Variants in DLGAP2 observed in about 807,000 individuals in gnomAD.
The protein encoded by DLGAP2 is DLG associated protein 2, also known as disks large-associated protein 2.
DLGAP2 carries 26 observed loss-of-function variants against 100.3 expected under a neutral mutation model. The ratio of observed to expected loss-of-function variants is 0.26; its 90% CI spans 0.19 to 0.36. DLGAP2 has a LOEUF of 0.36. Ranked by LOEUF, DLGAP2 falls within the 10% of genes least tolerant of loss-of-function variation. The pLI, the probability that DLGAP2 is intolerant of heterozygous loss-of-function variation, is 1.00. For missense variants in DLGAP2, 1,858 were observed against 1,453.2 expected, an observed-to-expected ratio of 1.28 and a Z score of -4.53; for synonymous variants, 886 against 630.1, an observed-to-expected ratio of 1.41 and a Z score of -6.08.
intron 3 of DLGAP2, among the ~76,000 whole-genome samples, chr8:1,314,584 A>T (rs574147251): frequency 6.6e-6 from 1 of 152,116 alleles, no homozygotes; most frequent in African/African-American, 2.4e-5. Context: ...CTCCTGTGTC[A>T]CCGCCTCTCA....
chr8:1,058,911 C>T (rs1331637497), intron 2 of DLGAP2, among the ~76,000 whole-genome samples: 1 of 152,312 alleles, frequency 6.6e-6, no homozygotes, highest in Admixed American at 6.5e-5. Flanking sequence ...CCTCAAAAGA[C>T]CTCATCAAAA....
chr8:1,002,358 A>C (rs1800984803), intron 2 of DLGAP2: 1 of 152,224 alleles, frequency 6.6e-6, no homozygotes, highest in South Asian at 2.1e-4. Context: ...AACTTGTTTA[A>C]CTAGATGCAT....
chr8:802,401 C>T (rs67626819), intron 1 of DLGAP2, among the ~76,000 whole-genome samples: 17,522 of 150,116 alleles, frequency 0.12, 1,590 homozygotes, highest in East Asian at 0.51. Flanking sequence ...TGGTTGAAGT[C>T]AGTGCTCTGG....
chr8:1,332,666 G>C (rs970311196), intron 3 of DLGAP2, among the ~76,000 whole-genome samples: 6 of 152,150 alleles, frequency 3.9e-5, no homozygotes, highest in Non-Finnish European at 5.9e-5. Flanking sequence ...GGCCTCCACA[G>C]GCTCAACCTG....
At chr8:1,049,231 G>T (rs927919505) in intron 2 of DLGAP2, among the ~76,000 whole-genome samples, 3 of 152,148 alleles carry the variant, frequency 2.0e-5, no homozygotes, top group Admixed American at 2.0e-4. Context: ...TAATGAAATG[G>T]CAAGTTTTAT....
chr8:897,575 C>CGG (rs1391389252), intron 1 of DLGAP2, among the ~76,000 whole-genome samples: 4 of 152,202 alleles, frequency 2.6e-5, no homozygotes, highest in Non-Finnish European at 4.4e-5. Flanking sequence ...CGAGGAGTCA[C>CGG]GGGGGTGTGT....
intron 2 of DLGAP2, among the ~76,000 whole-genome samples, chr8:1,253,087 C>T (rs570270563): frequency 1.3e-5 from 2 of 152,208 alleles, no homozygotes; most frequent in South Asian, 2.1e-4. Context: ...ACGCCCGGGC[C>T]TGTCCCCGCG....
Position 1,691,712 on chromosome 8 carries a change from C to G in DLGAP2, c.2796+86C>G, listed in dbSNP as rs1020336456. The G allele has an allele frequency of 6.7e-5, 79 of 1,170,984 alleles. 1 individual carries two copies. In the African/African-American group the frequency reaches 9.0e-4, roughly 13 times the overall value. The allele number at this position is 1,170,984 out of a possible 1,614,324, so 72.5% of individuals were successfully genotyped here. Reference sequence around the variant, plus strand: ...AGATTCTCATTGTTTTCTTCCTTGTCAAAGAGTTCCCATCGGTATGCGGAA... The same window carrying G: ...AGATTCTCATTGTTTTCTTCCTTGTGAAAGAGTTCCCATCGGTATGCGGAA... On this transcript the variant is annotated intron_variant, in intron 13 of 14. Coordinates refer to ENST00000637795, the MANE Select transcript of DLGAP2 (RefSeq NM_001346810.2).
intron 1 of DLGAP2, among the ~76,000 whole-genome samples, chr8:746,936 A>T (rs1820631115): frequency 6.6e-6 from 1 of 151,976 alleles, no homozygotes; most frequent in Admixed American, 6.5e-5. Flanking sequence ...CGTGATGGGG[A>T]CACCTTTGCA....
chr8:1,201,004 G>A (rs1166440049), intron 2 of DLGAP2, among the ~76,000 whole-genome samples: 3 of 152,154 alleles, frequency 2.0e-5, no homozygotes, highest in Non-Finnish European at 4.4e-5. Context: ...CTGTCTCCCC[G>A]GACCCCACCG....
rs556334592 is a variant in DLGAP2 at position 1,314,853 on chromosome 8, C to G, written c.106+55970C>G. Among the ~76,000 whole-genome samples, 8 of 152,352 alleles carry G rather than the reference C, an allele frequency of 5.3e-5. No homozygotes were observed. In the East Asian group the frequency reaches 7.7e-4, roughly 15 times the overall value. On this transcript the variant is annotated intron_variant, in intron 3 of 14. Transcript: ENST00000637795. ...AACCTGTCACCAACCTAAGTGTTCT[C>G]TGAATTTCCATGGGTAAATCCTAAA...
At chr8:1,566,793 C>T (rs145688127) in intron 6 of DLGAP2, among the ~76,000 whole-genome samples, 24 of 152,354 alleles carry the variant, frequency 1.6e-4, no homozygotes, top group African/African-American at 5.1e-4. Flanking sequence ...AGTTATTCAT[C>T]GCTGTTGGCT....
rs539354624 is a variant in DLGAP2, at chr8:1,206,831, T to G, written c.74-52020T>G. ...GCTAAGGCTCCACGGGCCCCTCTTCTGTCGCTGACACAGCAAGGTTTTCCT... is the reference window on the plus strand; with the variant it reads ...GCTAAGGCTCCACGGGCCCCTCTTCGGTCGCTGACACAGCAAGGTTTTCCT... On this transcript the variant is annotated intron_variant, in intron 2 of 14. Transcript: ENST00000637795. 2.6e-5 allele frequency among the ~76,000 whole-genome samples: 4 copies of G among 152,304 alleles called. No individual in the cohort carries two copies. In the South Asian group the frequency reaches 8.3e-4, roughly 32 times the overall value.
intron 4 of DLGAP2, among the ~76,000 whole-genome samples, chr8:1,515,104 A>G (rs1257027448): frequency 6.6e-6 from 1 of 152,138 alleles, no homozygotes. Flanking sequence ...TTGGCCTGAA[A>G]TGGGATGGAT....
chr8:1,575,922 A>G (rs1483160214), intron 6 of DLGAP2, among the ~76,000 whole-genome samples: 1 of 152,148 alleles, frequency 6.6e-6, no homozygotes, highest in Admixed American at 6.5e-5. Context: ...GTGCTGTAAT[A>G]AACATACATG....
At chr8:1,595,636 C>T (rs925399071) in intron 6 of DLGAP2, among the ~76,000 whole-genome samples, 11 of 146,666 alleles carry the variant, frequency 7.5e-5, no homozygotes, top group African/African-American at 2.0e-4. Context: ...CACTGCAGTC[C>T]GCAGTCCCGC....
chr8:1,129,323 G>T (rs948309787), intron 2 of DLGAP2, among the ~76,000 whole-genome samples: 3 of 151,324 alleles, frequency 2.0e-5, no homozygotes, highest in Non-Finnish European at 4.4e-5. Context: ...GAATTGTTTG[G>T]ACCCGGGAGG....
intron 4 of DLGAP2, among the ~76,000 whole-genome samples, chr8:1,506,597 C>T (rs73540653): frequency 3.3e-5 from 5 of 152,078 alleles, no homozygotes; most frequent in East Asian, 3.9e-4. Context: ...CTGCCCAAGA[C>T]GATCTCAGCA....
At chr8:870,227 G>C (rs558604101) in intron 1 of DLGAP2, among the ~76,000 whole-genome samples, 1 of 152,086 alleles carries the variant, frequency 6.6e-6, no homozygotes, top group Non-Finnish European at 1.5e-5. Flanking sequence ...TATTTCTCCT[G>C]ACAGGATCCC....
Sources: gnomAD v4.1 joint callset for allele counts (sites outside exome capture counted in the v4.1 genomes callset) on GRCh38, gnomAD v4.1.1 for gene constraint, MANE v1.5 for transcripts, NCBI Gene and HGNC (gene_info 2026-07-23, HGNC 2026-07-21) for gene names.